Variants in DIDO1 observed in about 807,000 individuals in gnomAD.
DIDO1 encodes the protein death inducer-obliterator 1.
A neutral mutation model predicts 99.4 loss-of-function variants in DIDO1; 16 were observed. That is an observed-to-expected ratio of 0.16 (90% CI 0.11 to 0.24). The LOEUF (loss-of-function observed/expected upper bound fraction) is 0.24, where lower values mean the gene tolerates loss of function less well. DIDO1 is among the 10% of genes least tolerant of loss of function. The pLI is 1.00. For missense variants in DIDO1, 2,996 were observed against 3,014.0 expected (o/e 0.99, Z 0.14); for synonymous variants, 1,366 against 1,239.1 (o/e 1.10, Z -2.15).
rs183468613 is a variant in DIDO1 at position 62,906,230 on chromosome 20, C to T, written c.1375-130G>A. On this transcript the variant is annotated intron_variant, in intron 5 of 15. Coordinates refer to ENST00000395343, the MANE Select transcript of DIDO1 (RefSeq NM_001193369.2). ...ATCTGAAGACCCTGCACCCATCCTG[C>T]GCCTGCTTGGCAGCAGTTCAACACA... The T allele has an allele frequency of 1.3e-3, 1,606 of 1,231,048 alleles. 3 individuals carry two copies. The highest frequency in any genetic ancestry group is 1.6e-3 in the Non-Finnish European group (1,466 of 900,760). The allele number at this position is 1,231,048 out of a possible 1,614,324, so 76.3% of individuals were successfully genotyped here.
Position 62,878,033 on chromosome 20 carries a change from A to C in DIDO1, c.*1200T>G, listed in dbSNP as rs546181624. On this transcript the variant is annotated 3_prime_UTR_variant, in exon 16 of 16. Coordinates refer to ENST00000395343, the MANE Select transcript of DIDO1 (RefSeq NM_001193369.2). ...TTTCAACACCAAACATCTCAAACTG[A>C]TACATTCTCAATGTTTTCTTAACTT... 83 of 152,360 alleles carry C rather than the reference A, an allele frequency of 5.4e-4. No homozygotes were observed. The highest frequency in any genetic ancestry group is 1.9e-3 in the African/African-American group (81 of 41,580). The allele number at this position is 152,360 out of a possible 1,614,324, so 9.4% of individuals were successfully genotyped here. A position where few individuals can be genotyped will look rare whatever the true frequency, so the allele number is the denominator to read the frequency against.
intron 6 of DIDO1, among the ~76,000 whole-genome samples, chr20:62,901,097 T>A (rs2064664829): frequency 6.6e-6 from 1 of 152,252 alleles, no homozygotes; most frequent in Non-Finnish European, 1.5e-5. Flanking sequence ...ATTCGCCTTT[T>A]ATAAGTAGTT....
chr20:62,920,319 C>T (rs2065112469), intron 1 of DIDO1, among the ~76,000 whole-genome samples: 1 of 152,174 alleles, frequency 6.6e-6, no homozygotes, highest in African/African-American at 2.4e-5. Context: ...CGGTCCACAC[C>T]CTTAGAGACC....
chr20:62,895,190 C>T lies in DIDO1; in HGVS notation c.2215-25G>A, dbSNP rs749216890. On this transcript the variant is annotated intron_variant, in intron 8 of 15. Coordinates refer to ENST00000395343, the MANE Select transcript of DIDO1 (RefSeq NM_001193369.2). ...CCTATAAACAAGTATTTTTCATTTA[C>T]TCAAATAATATTCCTATATCTGTCA... is the stretch of plus-strand genomic sequence containing the variant. 1.4e-5 allele frequency: 22 copies of T among 1,571,416 alleles called. No individual in the cohort carries two copies. In the East Asian group the frequency reaches 4.5e-4, roughly 32 times the overall value.
chr20:62,895,237 C>T, intron 8 of DIDO1, 72 bp from the exon 9 acceptor site: 1 of 1,401,686 alleles, frequency 7.1e-7, no homozygotes, highest in Non-Finnish European at 1.0e-6. Context: ...TTCTGGAAAA[C>T]ACAGCTGCCC....
intron 14 of DIDO1, among the ~76,000 whole-genome samples, chr20:62,891,728 C>G (rs2064403192): frequency 6.6e-6 from 1 of 151,258 alleles, no homozygotes; most frequent in South Asian, 2.1e-4. Context: ...GCGGCACACT[C>G]AGACACCTTC....
At chr20:62,923,081 A>G (rs988466200) in intron 1 of DIDO1, among the ~76,000 whole-genome samples, 2 of 152,218 alleles carry the variant, frequency 1.3e-5, no homozygotes, top group African/African-American at 4.8e-5. Context: ...GGCTCACTAC[A>G]GCCTGGAACT....
chr20:62,910,115 A>G (rs2064896869), intron 3 of DIDO1, 95 bp from the exon 4 acceptor site: 3 of 1,315,506 alleles, frequency 2.3e-6, no homozygotes, highest in Non-Finnish European at 3.1e-6. Flanking sequence ...TTCATGAAAA[A>G]ATGCAAATAT....
upstream of DIDO1, among the ~76,000 whole-genome samples, chr20:62,929,800 C>T (rs1339304107): frequency 1.4e-5 from 2 of 143,870 alleles, no homozygotes; most frequent in Admixed American, 1.4e-4. Context: ...TTTACTTTTA[C>T]GTTGTATAAG....
chr20:62,890,678 A>G, intron 15 of DIDO1: 1 of 1,283,838 alleles, frequency 7.8e-7, no homozygotes, highest in Non-Finnish European at 9.9e-7. Context: ...CTGGGCACTG[A>G]GTCTTCTCTG....
At chr20:62,934,768 A>G (rs556039754) in intron 1 of DIDO1, among the ~76,000 whole-genome samples, 65 of 151,804 alleles carry the variant, frequency 4.3e-4, no homozygotes, top group Admixed American at 6.6e-4. Context: ...TGGCACCTTC[A>G]CCCTGGACTT....
At chr20:62,891,176 G>A in intron 14 of DIDO1, 21 bp from the exon 15 acceptor site, 2 of 1,613,442 alleles carry the variant, frequency 1.2e-6, no homozygotes, top group African/African-American at 2.7e-5. Context: ...AGAGTGGGAA[G>A]CACTCATAAA....
In DIDO1 at chr20:62,894,269, A is replaced by G; in HGVS notation, c.2573-75T>C. On this transcript the variant is annotated intron_variant, in intron 11 of 15. Transcript: ENST00000395343. This position sits in a 1 kb window ranked among gnomAD's most constrained non-coding sequence, Gnocchi z 4.4. ...TGTTTCTCACACAAAGCCGAAAGCA[A>G]TACTCTAAAGGCAGGGCAGGAAATC... The G allele has an allele frequency of 6.3e-7, 1 of 1,580,386 alleles. No homozygotes were observed. Among genetic ancestry groups the G allele is most frequent in the Non-Finnish European group, 8.6e-7 (1 of 1,161,892 alleles).
chr20:62,935,530 C>T (rs560254638), intron 1 of DIDO1, among the ~76,000 whole-genome samples: 8 of 152,238 alleles, frequency 5.3e-5, no homozygotes, highest in East Asian at 1.9e-4. Flanking sequence ...AAGACTTCCC[C>T]GAGAAAGCCA....
In DIDO1 at chr20:62,879,378, C is replaced by T; in HGVS notation, c.6578G>A (p.Arg2193Gln). 2 of 1,545,940 alleles carry T rather than the reference C, an allele frequency of 1.3e-6. No homozygotes were observed. Among genetic ancestry groups the T allele is most frequent in the Non-Finnish European group, 1.7e-6 (2 of 1,147,922 alleles). The change falls in exon 16 of 16, where the codon CGG becomes CAG. Residue 2193 changes from arginine to glutamine, a missense_variant. Arg to Gln is a conservative substitution (Grantham distance 43, BLOSUM62 1). Transcript: ENST00000395343. The surrounding 1 kb of genome is among the most constrained non-coding windows in gnomAD (Gnocchi z 6.3). ...RDRRRDRDRS[R>Q]SRERDRDKAR... ...CTTGTCTCGGTCCCGCTCTCTGCTC[C>T]GGGACCGGTCCCGGTCGCGCCTCCG...
rs373273485 is a variant in DIDO1, at chr20:62,894,163, A to C, written c.2604T>G (p.Ala868=). The change falls in exon 12 of 16, where the codon GCT becomes GCG. Residue 868 remains alanine, a synonymous_variant. Coordinates refer to ENST00000395343, the MANE Select transcript of DIDO1 (RefSeq NM_001193369.2). The surrounding 1 kb of genome is among the most constrained non-coding windows in gnomAD (Gnocchi z 4.4). Reference sequence around the variant, plus strand: ...AAGCTGACAATTTTTGTTTTTTCGGAGCTGGCTCATCTTCTGCGGAGGGAA... The same window carrying C: ...AAGCTGACAATTTTTGTTTTTTCGGCGCTGGCTCATCTTCTGCGGAGGGAA... The part of the protein sequence containing the change: ...GQVPSAEDEP[A]PKKQKLSASV... 7.4e-6 allele frequency: 12 copies of C among 1,613,618 alleles called. No homozygotes were observed. The African/African-American group carries it at 1.6e-4, about 22-fold the overall frequency.
At chr20:62,900,893 G>A (rs749960103) in intron 6 of DIDO1, among the ~76,000 whole-genome samples, 17 of 152,224 alleles carry the variant, frequency 1.1e-4, no homozygotes, top group Non-Finnish European at 1.6e-4. Context: ...AGGAACTGTG[G>A]AAGTAAATTC....
intron 15 of DIDO1, 104 bp from the exon 16 acceptor site, chr20:62,882,518 A>G (rs6011442): frequency 0.33 from 361,181 of 1,106,166 alleles, 62,098 homozygotes; most frequent in African/African-American, 0.58. Context: ...TTAATAGACA[A>G]AAATAAGCCA....
chr20:62,889,219 C>T, intron 15 of DIDO1: 1 of 985,570 alleles, frequency 1.0e-6, no homozygotes. Flanking sequence ...CCTGTCCTTT[C>T]CCTCTGCCCC....
Sources: gnomAD v4.1 joint callset for allele counts (sites outside exome capture counted in the v4.1 genomes callset) on GRCh38, gnomAD v4.1.1 for gene constraint, Gnocchi (gnomAD v3.1) non-coding constraint, MANE v1.5 for transcripts, NCBI Gene and HGNC (gene_info 2026-07-23, HGNC 2026-07-21) for gene names.